PSMD14: variants seen among roughly 807,000 people sequenced by gnomAD.
PSMD14 encodes the protein ubiquitin C-terminal hydrolase PSMD14.
In PSMD14, 7 loss-of-function variants were observed where a neutral mutation model predicts 41.2. The ratio of observed to expected loss-of-function variants is 0.17; its 90% CI spans 0.10 to 0.32. PSMD14 has a LOEUF of 0.32. Ranked by LOEUF, PSMD14 falls within the 10% of genes least tolerant of loss-of-function variation. The pLI, the probability that PSMD14 is intolerant of heterozygous loss-of-function variation, is 1.00. For synonymous variants in PSMD14, 114 were observed against 122.3 expected, an observed-to-expected ratio of 0.93 and a Z score of 0.45; for missense variants, 139 against 375.6, an observed-to-expected ratio of 0.37 and a Z score of 5.21.
At chr2:161,323,399 C>T (rs1483438625) in intron 3 of PSMD14, among the ~76,000 whole-genome samples, 3 of 152,082 alleles carry the variant, frequency 2.0e-5, no homozygotes, top group Non-Finnish European at 4.4e-5. Context: ...CCTGGTGGCT[C>T]ATGCCTGCAA....
intron 3 of PSMD14, chr2:161,340,924 C>T (rs1433965065): frequency 1.2e-6 from 2 of 1,613,682 alleles, no homozygotes; most frequent in African/African-American, 1.3e-5. Flanking sequence ...CCTTCTCCGT[C>T]CTCCTCCTCA....
chr2:161,321,241 GC>G (rs1682582526), intron 3 of PSMD14, among the ~76,000 whole-genome samples: 1 of 152,070 alleles, frequency 6.6e-6, no homozygotes, highest in African/African-American at 2.4e-5. Context: ...TTTGTAGATG[GC>G]CCTCTTAAAA....
intron 1 of PSMD14, among the ~76,000 whole-genome samples, chr2:161,309,786 T>G (rs758146695): frequency 6.6e-6 from 1 of 152,244 alleles, no homozygotes; most frequent in Non-Finnish European, 1.5e-5. Flanking sequence ...TTATTGATGC[T>G]TCACCTGTTG....
rs570759194 is a variant in PSMD14 at position 161,389,468 on chromosome 2, A to G, written c.571-1636A>G. Among the ~76,000 whole-genome samples the G allele has an allele frequency of 5.3e-5, 8 of 152,280 alleles. No homozygotes were observed. The East Asian group carries it at 1.5e-3, about 29-fold the overall frequency. On this transcript the variant is annotated intron_variant, in intron 8 of 11. Transcript: ENST00000409682. ...TTGATCTGTACAGTATAGCATTTTT[A>G]TGCACTAAAATTTAATTCATTGCTT...
chr2:161,379,015 C>T (rs1033677334), intron 7 of PSMD14, among the ~76,000 whole-genome samples: 3 of 151,978 alleles, frequency 2.0e-5, no homozygotes, highest in African/African-American at 7.2e-5. Flanking sequence ...TGTGGTGTTA[C>T]AGCACAAGCA....
chr2:161,356,533 C>A (rs891244313), intron 3 of PSMD14, among the ~76,000 whole-genome samples: 2 of 151,662 alleles, frequency 1.3e-5, no homozygotes, highest in African/African-American at 4.8e-5. Context: ...ATATTAGATA[C>A]CATAAAATTA....
chr2:161,337,949 T>A (rs1312810389), intron 3 of PSMD14, among the ~76,000 whole-genome samples: 1 of 152,248 alleles, frequency 6.6e-6, no homozygotes, highest in East Asian at 1.9e-4. Flanking sequence ...ACTCTCTGAC[T>A]ACTTAATTGT....
intron 3 of PSMD14, chr2:161,340,673 G>A: frequency 4.0e-6 from 6 of 1,495,754 alleles, no homozygotes; most frequent in African/African-American, 1.4e-5. Context: ...CTGATTGAGG[G>A]TCTAGAGCTC....
At chr2:161,377,916 G>A (rs1005063610) in intron 7 of PSMD14, among the ~76,000 whole-genome samples, 2 of 151,836 alleles carry the variant, frequency 1.3e-5, no homozygotes, top group Admixed American at 6.6e-5. Context: ...AGAAGAATAC[G>A]ATCTACTCCC....
chr2:161,347,027 T>C (rs1042084219), intron 3 of PSMD14, among the ~76,000 whole-genome samples: 1 of 152,176 alleles, frequency 6.6e-6, no homozygotes, highest in Admixed American at 6.5e-5. Flanking sequence ...GTCTCAGTAA[T>C]CTCAGCTCTG....
At chr2:161,310,587 GATAATA>G (rs1261843721) in intron 1 of PSMD14, among the ~76,000 whole-genome samples, 3 of 152,142 alleles carry the variant, frequency 2.0e-5, no homozygotes, top group African/African-American at 7.2e-5. Flanking sequence ...GTTCTAAAAT[GATAATA>G]ATAACAATTA....
intron 3 of PSMD14, among the ~76,000 whole-genome samples, chr2:161,351,714 T>A (rs1683119106): frequency 6.6e-6 from 1 of 152,230 alleles, no homozygotes; most frequent in Non-Finnish European, 1.5e-5. Context: ...ACTCATACTG[T>A]ATGTCTACAT....
At chr2:161,396,443 T>G (rs1395882106) in intron 10 of PSMD14, among the ~76,000 whole-genome samples, 1 of 152,118 alleles carries the variant, frequency 6.6e-6, no homozygotes, top group African/African-American at 2.4e-5. Context: ...GGAATACTAT[T>G]CAGCCATTAA....
intron 3 of PSMD14, among the ~76,000 whole-genome samples, chr2:161,320,024 CCTAAGCCT>C (rs1231749499): frequency 6.6e-6 from 1 of 152,130 alleles, no homozygotes; most frequent in Non-Finnish European, 1.5e-5. Flanking sequence ...TCTCAAGAGG[CCTAAGCCT>C]CTTTGAACTT....
chr2:161,410,040 A>G (rs1684002217), intron 11 of PSMD14, among the ~76,000 whole-genome samples: 2 of 152,168 alleles, frequency 1.3e-5, no homozygotes, highest in Non-Finnish European at 2.9e-5. Context: ...TAAAAGGTCT[A>G]AATACAAAAT....
At chr2:161,366,180 A>G (rs751391555) in intron 3 of PSMD14, among the ~76,000 whole-genome samples, 9 of 152,210 alleles carry the variant, frequency 5.9e-5, no homozygotes, top group Non-Finnish European at 1.3e-4. Flanking sequence ...GTGATAATAG[A>G]TGAAGAATTT....
At chr2:161,355,071 G>A (rs150105666) in intron 3 of PSMD14, among the ~76,000 whole-genome samples, 2 of 152,286 alleles carry the variant, frequency 1.3e-5, no homozygotes, top group East Asian at 3.9e-4. Context: ...GGGATATAGA[G>A]TATGGTATAG....
At chr2:161,375,879 A>C (rs549658109) in intron 7 of PSMD14, among the ~76,000 whole-genome samples, 1 of 151,982 alleles carries the variant, frequency 6.6e-6, no homozygotes, top group Admixed American at 6.6e-5. Flanking sequence ...TTTTTAAAAA[A>C]ATTAAAATAA....
At chr2:161,397,267 A>G (rs1380083894) in intron 10 of PSMD14, among the ~76,000 whole-genome samples, 1 of 152,178 alleles carries the variant, frequency 6.6e-6, no homozygotes, top group African/African-American at 2.4e-5. Context: ...GCTACTACCC[A>G]AACAAAAGGT....
Sources: gnomAD v4.1 joint callset for allele counts (sites outside exome capture counted in the v4.1 genomes callset) on GRCh38, gnomAD v4.1.1 for gene constraint, MANE v1.5 for transcripts, NCBI Gene and HGNC (gene_info 2026-07-23, HGNC 2026-07-21) for gene names.